The following NDRG2 variants were observed in gnomAD, a reference collection of about 807,000 sequenced individuals.
NDRG2 encodes NDRG family member 2.
NDRG2 carries 34 observed loss-of-function variants against 58.2 expected under a neutral mutation model. The observed-to-expected ratio is 0.58, with a 90% CI of 0.44 to 0.78. NDRG2 has a LOEUF of 0.78. Ranked by LOEUF, NDRG2 falls within the 30% of genes least tolerant of loss-of-function variation. The probability of loss-of-function intolerance (pLI) is 0.00; values close to 1 mark genes in which losing one functional copy is unlikely to be tolerated. For synonymous variants in NDRG2, 187 were observed against 175.9 expected (o/e 1.06, Z -0.50); for missense variants, 434 against 471.2 (o/e 0.92, Z 0.73).
intron 1 of NDRG2, among the ~76,000 whole-genome samples, chr14:21,051,959 G>A (rs796804094): frequency 2.6e-5 from 4 of 152,340 alleles, no homozygotes; most frequent in African/African-American, 9.6e-5. Flanking sequence ...TTGGGAGATA[G>A]TTGCTTATTC....
intron 7 of NDRG2, 58 bp from the exon 8 acceptor site, chr14:21,020,640 G>C: frequency 6.3e-7 from 1 of 1,591,140 alleles, no homozygotes; most frequent in East Asian, 2.2e-5. Context: ...TCCCCTCCCC[G>C]CTAAGCTCGA....
Position 21,070,519 on chromosome 14 carries a change from C to T in NDRG2, c.24+309G>A. ...CTCGGACTGTTCGGCCCCTCTGGGA[C>T]TCTCCTCCCTCCCATCCCCCCTTCT... is the stretch of plus-strand genomic sequence containing the variant. On this transcript the variant is annotated intron_variant, in intron 1 of 14. Coordinates refer to the NDRG2 transcript ENST00000403829. This position sits in a 1 kb window ranked among gnomAD's most constrained non-coding sequence, Gnocchi z 4.7. The T allele has an allele frequency of 8.4e-7, 1 of 1,197,166 alleles. No homozygotes were observed. The allele number at this position is 1,197,166 out of a possible 1,614,324, so 74.2% of individuals were successfully genotyped here.
chr14:21,032,157 G>C, intron 1 of NDRG2: 2 of 1,451,460 alleles, frequency 1.4e-6, no homozygotes, highest in Non-Finnish European at 1.9e-6. Flanking sequence ...ATAAACATCT[G>C]TGTGTGCAGC....
intron 1 of NDRG2, among the ~76,000 whole-genome samples, chr14:21,041,935 A>G (rs185541436): frequency 3.9e-5 from 6 of 152,336 alleles, no homozygotes; most frequent in Admixed American, 2.6e-4. Flanking sequence ...AAGGAACCAG[A>G]CAAAGCATCT....
chr14:21,057,618 C>CATATATATATATATATATTTATATATAT (rs57420807), intron 1 of NDRG2, among the ~76,000 whole-genome samples: 1 of 122,896 alleles, frequency 8.1e-6, no homozygotes, highest in African/African-American at 3.4e-5. Context: ...TCATTTTATT[C>CATATATATATATATATATTTATATATAT]ATATATATAT....
At chr14:21,047,441 C>T (rs1414513258) in intron 1 of NDRG2, among the ~76,000 whole-genome samples, 1 of 152,158 alleles carries the variant, frequency 6.6e-6, no homozygotes, top group Non-Finnish European at 1.5e-5. Flanking sequence ...ACCTTGATCA[C>T]AGCCAAGTTA....
intron 1 of NDRG2, among the ~76,000 whole-genome samples, chr14:21,062,250 A>T (rs1287064032): frequency 6.6e-6 from 1 of 152,220 alleles, no homozygotes; most frequent in Non-Finnish European, 1.5e-5. Context: ...TGATATTTTC[A>T]TCTGTACTGC....
In NDRG2 at chr14:21,060,451, C is replaced by T. The variant is rs569632912; in HGVS notation, c.24+10377G>A. Among the ~76,000 whole-genome samples the T allele has an allele frequency of 3.9e-5, 6 of 152,304 alleles. No individual in the cohort carries two copies. In the South Asian group the frequency reaches 1.2e-3, roughly 32 times the overall value. ...GCTTCTTCCCAGTGTTGCGGGCAGG[C>T]TCCACTTCCTGCGGCTGCGCCTTAA... On this transcript the variant is annotated intron_variant, in intron 1 of 14. Transcript: ENST00000403829.
intron 1 of NDRG2, among the ~76,000 whole-genome samples, chr14:21,065,923 AC>A (rs1418258577): frequency 1.3e-5 from 2 of 152,170 alleles, no homozygotes; most frequent in East Asian, 1.9e-4. Flanking sequence ...ACATGGTGAA[AC>A]CCTGTCTTTA....
rs542226995 is a variant in NDRG2, at chr14:21,021,488, G to GAC, written c.407+327_407+328dup. On this transcript the variant is annotated intron_variant, in intron 6 of 15. Coordinates refer to ENST00000556147, the MANE Select transcript of NDRG2 (RefSeq NM_001320329.2). ...AGGAGAGGGGAGTGGGAGAGAAAGA[G>GAC]ACAGGTCTATCTGGTTCCTCAGGGA... The GAC allele has an allele frequency of 6.6e-4, 235 of 354,994 alleles. 2 individuals are homozygous for GAC. Among genetic ancestry groups the GAC allele is most frequent in the Non-Finnish European group, 9.0e-4 (169 of 188,128 alleles). The allele number at this position is 354,994 out of a possible 1,614,324, so 22.0% of individuals were successfully genotyped here.
intron 1 of NDRG2, among the ~76,000 whole-genome samples, chr14:21,046,477 G>GCACTCCAGCCTGGATAA (rs1555332987): frequency 1.3e-5 from 2 of 151,122 alleles, no homozygotes; most frequent in Non-Finnish European, 2.9e-5. Flanking sequence ...GCCATGATCT[G>GCACTCCAGCCTGGATAA]CACTCCAGCC....
rs1457542806 is a variant in NDRG2, at chr14:21,070,393, A to G, written c.24+435T>C. On this transcript the variant is annotated intron_variant, in intron 1 of 14. Coordinates refer to the NDRG2 transcript ENST00000403829. The surrounding 1 kb of genome is among the most constrained non-coding windows in gnomAD (Gnocchi z 4.7). Reference sequence around the variant, plus strand: ...AAGCGTCGGACGCGGCCCGGCGCCGAGCCATGGTGAGTCCAGCGTCGCAGC... The same window carrying G: ...AAGCGTCGGACGCGGCCCGGCGCCGGGCCATGGTGAGTCCAGCGTCGCAGC... 3.5e-6 allele frequency: 5 copies of G among 1,409,518 alleles called. 1 individual carries two copies. The South Asian group carries it at 7.6e-5, about 21-fold the overall frequency. 87.3% of individuals were successfully genotyped at this position (1,409,518 alleles called of 1,614,324 possible). A position where few individuals can be genotyped will look rare whatever the true frequency, so the allele number is the denominator to read the frequency against.
At chr14:21,069,947 A>T (rs1368362753) in intron 1 of NDRG2, among the ~76,000 whole-genome samples, 3 of 152,214 alleles carry the variant, frequency 2.0e-5, no homozygotes, top group Admixed American at 6.5e-5. Flanking sequence ...CCTTTGGAGC[A>T]TCCCTTGCCG....
upstream of NDRG2, among the ~76,000 whole-genome samples, chr14:21,026,785 G>T (rs1162400690): frequency 6.6e-6 from 1 of 151,952 alleles, no homozygotes; most frequent in Non-Finnish European, 1.5e-5. Context: ...ACAGAAGCTG[G>T]GCACCCTGGC....
In NDRG2 at chr14:21,024,090, C is replaced by G. The variant is rs573640801; in HGVS notation, c.-67G>C. Reference sequence around the variant, plus strand: ...GTCAGGGTTCTCACTCCTTCTGACTCTGGGGTCTGAGAAAACACAGCAACG... The same window carrying G: ...GTCAGGGTTCTCACTCCTTCTGACTGTGGGGTCTGAGAAAACACAGCAACG... On this transcript the variant is annotated 5_prime_UTR_variant, in exon 1 of 16. Transcript: ENST00000556147. 2.0e-6 allele frequency: 2 copies of G among 985,464 alleles called. No homozygotes were observed. The highest frequency in any genetic ancestry group is 3.5e-5 in the African/African-American group (2 of 57,350). 61.0% of individuals were successfully genotyped at this position (985,464 alleles called of 1,614,324 possible).
At chr14:21,057,635 A>ATATATATATG (rs970286695) in intron 1 of NDRG2, among the ~76,000 whole-genome samples, 1 of 147,804 alleles carries the variant, frequency 6.8e-6, no homozygotes, top group Non-Finnish European at 1.5e-5. Context: ...ATATATATAT[A>ATATATATATG]TGTGAGAAGG....
At chr14:21,032,202 C>A in intron 1 of NDRG2, 1 of 1,006,102 alleles carries the variant, frequency 9.9e-7, no homozygotes, top group Non-Finnish European at 1.5e-6. Flanking sequence ...ACAGATGAGC[C>A]TACTAGTGTA....
At chr14:21,036,033 G>T (rs1318335960) in intron 1 of NDRG2, 9 of 377,526 alleles carry the variant, frequency 2.4e-5, no homozygotes, top group Non-Finnish European at 4.7e-5. Flanking sequence ...TTACCTCACG[G>T]CAGTATGAGG....
chr14:21,037,865 T>C (rs943785929), intron 1 of NDRG2, among the ~76,000 whole-genome samples: 15 of 152,238 alleles, frequency 9.9e-5, no homozygotes, highest in Non-Finnish European at 2.9e-5. Context: ...TGTAATCATT[T>C]ACACATTCTC....
Sources: allele counts gnomAD v4.1 joint callset (sites outside exome capture counted in the v4.1 genomes callset), GRCh38; gene constraint gnomAD v4.1.1; non-coding constraint Gnocchi (gnomAD v3.1); transcripts MANE v1.5; gene names NCBI Gene and HGNC (gene_info 2026-07-23, HGNC 2026-07-21).